SMAD7: variants seen among roughly 807,000 people sequenced by gnomAD.
SMAD7 encodes MAD (mothers against decapentaplegic, Drosophila) homolog 7.
SMAD7 carries 8 observed loss-of-function variants against 38.7 expected under a neutral mutation model. The observed-to-expected ratio is 0.21, with a 90% CI of 0.12 to 0.37. The LOEUF is 0.37. Among genes scored for constraint, SMAD7 ranks in the 10% least tolerant of loss-of-function variants. The pLI is 1.00. For synonymous variants in SMAD7, 327 were observed against 265.1 expected (o/e 1.23, Z -2.27); for missense variants, 477 against 577.9 (o/e 0.83, Z 1.79).
At chr18:48,946,436 G>GGGGT (rs908128683) in intron 2 of SMAD7, among the ~76,000 whole-genome samples, 1 of 152,046 alleles carries the variant, frequency 6.6e-6, no homozygotes, top group African/African-American at 2.4e-5. Flanking sequence ...GGGGCGGGGG[G>GGGGT]GGTGTGCTCC....
intron 3 of SMAD7, among the ~76,000 whole-genome samples, chr18:48,936,106 ACACACACACAC>A (rs778840169): frequency 0.25 from 12,216 of 49,776 alleles, 800 homozygotes; most frequent in East Asian, 0.5. Context: ...ACACACACAC[ACACACACACAC>A]CACACACACA....
intron 3 of SMAD7, among the ~76,000 whole-genome samples, chr18:48,932,942 CA>C (rs2070019944): frequency 1.3e-5 from 2 of 152,154 alleles, no homozygotes; most frequent in South Asian, 4.1e-4. Flanking sequence ...GATGTTTCCC[CA>C]CCCCTTGGCC....
intron 1 of SMAD7, 128 bp from the exon 2 acceptor site, chr18:48,948,565 G>A (rs1054322242): frequency 1.8e-5 from 11 of 608,038 alleles, no homozygotes; most frequent in African/African-American, 1.8e-4. Flanking sequence ...GCAGGGCCGC[G>A]AGGCGGTGAT....
chr18:48,935,112 T>C (rs900431703), intron 3 of SMAD7, among the ~76,000 whole-genome samples: 1 of 152,138 alleles, frequency 6.6e-6, no homozygotes, highest in East Asian at 1.9e-4. Flanking sequence ...ACGGGGCACC[T>C]TCCACGGGAG....
At chr18:48,930,264 A>ATCTAATCTCTCCCGCTTGGACAC (rs1166359507) in intron 3 of SMAD7, 12 of 152,086 alleles carry the variant, frequency 7.9e-5, no homozygotes, top group Non-Finnish European at 1.5e-4. Flanking sequence ...TGCCTCCGTA[A>ATCTAATCTCTCCCGCTTGGACAC]TCTAATCTCT....
chr18:48,922,332 C>T (rs113667718), intron 3 of SMAD7, among the ~76,000 whole-genome samples: 2 of 152,278 alleles, frequency 1.3e-5, no homozygotes, highest in African/African-American at 4.8e-5. Flanking sequence ...GCCAGCTCCT[C>T]CAGCCCCTTG....
intron 3 of SMAD7, among the ~76,000 whole-genome samples, chr18:48,924,902 C>T (rs2143759623): frequency 6.6e-6 from 1 of 152,376 alleles, no homozygotes; most frequent in African/African-American, 2.4e-5. Context: ...ACGACATCCC[C>T]CATTGCCACT....
At chr18:48,948,578 C>T (rs1183368704) in intron 1 of SMAD7, 141 bp from the exon 2 acceptor site, 1 of 553,912 alleles carries the variant, frequency 1.8e-6, no homozygotes, top group Non-Finnish European at 3.2e-6. Flanking sequence ...GCGGTGATTG[C>T]CTTGATATTT....
chr18:48,944,554 G>A (rs1487159849), intron 2 of SMAD7, among the ~76,000 whole-genome samples: 1 of 152,236 alleles, frequency 6.6e-6, no homozygotes, highest in Non-Finnish European at 1.5e-5. Context: ...GGTAAACTGA[G>A]GCGTCACTGA....
intron 2 of SMAD7, among the ~76,000 whole-genome samples, chr18:48,945,719 G>C (rs1359891904): frequency 6.6e-6 from 1 of 152,078 alleles, no homozygotes; most frequent in Non-Finnish European, 1.5e-5. Context: ...ATGGATACTG[G>C]CCACCTGGGT....
In SMAD7 at chr18:48,950,141, A is replaced by G; in HGVS notation, c.284T>C (p.Leu95Pro). 3 of 1,495,884 alleles carry G rather than the reference A, an allele frequency of 2.0e-6. No individual in the cohort carries two copies. Among genetic ancestry groups the G allele is most frequent in the Non-Finnish European group, 2.7e-6 (3 of 1,126,598 alleles). 92.7% of individuals were successfully genotyped at this position (1,495,884 alleles called of 1,614,324 possible). ...CAGTTTCTTGAGCACCGAGTGCGTG[A>G]GCGCCTTCAGATCCGCCTCGGCGCC... ...AGGAEADLKA[L>P]THSVLKKLKE... The change falls in exon 1 of 4, where the codon CTC (leucine) becomes CCC (proline). Residue 95 changes from leucine (L) to proline (P), a missense_variant. Transcript: ENST00000262158.
At chr18:48,937,642 G>A (rs2070086469) in intron 3 of SMAD7, among the ~76,000 whole-genome samples, 1 of 152,184 alleles carries the variant, frequency 6.6e-6, no homozygotes, top group African/African-American at 2.4e-5. Flanking sequence ...CCAGGGTGTG[G>A]GTGTGCACCA....
chr18:48,945,460 GA>G (rs1193844333), intron 2 of SMAD7, among the ~76,000 whole-genome samples: 5 of 150,798 alleles, frequency 3.3e-5, no homozygotes, highest in Admixed American at 6.6e-5. Context: ...GACTGTCTCG[GA>G]AAAAAAAAGA....
At chr18:48,936,659 T>G (rs2070070794) in intron 3 of SMAD7, among the ~76,000 whole-genome samples, 1 of 152,218 alleles carries the variant, frequency 6.6e-6, no homozygotes, top group Non-Finnish European at 1.5e-5. Context: ...CTTTTTTTTC[T>G]TCTGCCAGGT....
At chr18:48,949,632 T>C (rs959804638) in intron 1 of SMAD7, among the ~76,000 whole-genome samples, 180 bp downstream of exon 1, 1 of 151,408 alleles carries the variant, frequency 6.6e-6, no homozygotes, top group African/African-American at 2.4e-5. Flanking sequence ...TTCTCTACTT[T>C]CAGCCCCCAG....
At chr18:48,939,170 A>C (rs9952412) in intron 3 of SMAD7, among the ~76,000 whole-genome samples, 91,095 of 135,640 alleles carry the variant, frequency 0.67, 30,594 homozygotes, top group African/African-American at 0.9. Context: ...ACCCACCCCC[A>C]CAACACACAC....
At chr18:48,929,100 A>G (rs1359148739) in intron 3 of SMAD7, among the ~76,000 whole-genome samples, 1 of 32,966 alleles carries the variant, frequency 3.0e-5, no homozygotes, top group Non-Finnish European at 5.3e-5. Flanking sequence ...ATTGACAGTA[A>G]AGGGCCTCTC....
At chr18:48,928,929 C>T (rs1004436411) in intron 3 of SMAD7, among the ~76,000 whole-genome samples, 6 of 152,138 alleles carry the variant, frequency 3.9e-5, no homozygotes, top group Non-Finnish European at 7.4e-5. Flanking sequence ...GTCAGGCTGA[C>T]GCGGCTTCCT....
At chr18:48,930,321 C>A (rs1335012528) in intron 3 of SMAD7, 1 of 152,382 alleles carries the variant, frequency 6.6e-6, no homozygotes, top group East Asian at 1.9e-4. Context: ...CCTTTCACCC[C>A]TAAAGCACCC....
Sources: gnomAD v4.1 joint callset for allele counts (sites outside exome capture counted in the v4.1 genomes callset) on GRCh38, gnomAD v4.1.1 for gene constraint, MANE v1.5 for transcripts, NCBI Gene and HGNC (gene_info 2026-07-23, HGNC 2026-07-21) for gene names.